Variants in RNF214 observed in about 807,000 individuals in gnomAD.
RNF214 encodes ring finger protein 214.
Under a neutral mutation model 75.9 loss-of-function variants are expected in RNF214, and 25 were observed. The observed-to-expected ratio is 0.33, with a 90% CI of 0.24 to 0.46. The LOEUF (loss-of-function observed/expected upper bound fraction) is 0.46. Among genes scored for constraint, RNF214 ranks in the 20% least tolerant of loss-of-function variants. The pLI is 1.00. For missense variants in RNF214, 725 were observed against 857.5 expected (o/e 0.85, Z 1.93); for synonymous variants, 314 against 308.8 (o/e 1.02, Z -0.18).
intron 6 of RNF214, among the ~76,000 whole-genome samples, chr11:117,251,213 TCCCGG>T (rs2033373323): frequency 8.9e-6 from 1 of 112,014 alleles, no homozygotes; most frequent in Admixed American, 9.2e-5. Flanking sequence ...GCCCCGCACC[TCCCGG>T]ACGGGGCGGC....
chr11:117,280,401 C>A, intron 8 of RNF214, 142 bp downstream of exon 8: 1 of 673,982 alleles, frequency 1.5e-6, no homozygotes, highest in South Asian at 1.8e-5. Flanking sequence ...TCTGCAGTAG[C>A]AATTGCTCAG....
intron 6 of RNF214, among the ~76,000 whole-genome samples, chr11:117,274,338 TG>T (rs2033967673): frequency 7.0e-6 from 1 of 143,876 alleles, no homozygotes; most frequent in African/African-American, 2.6e-5. Flanking sequence ...CCCCTAGTAC[TG>T]GGAAAACAAA....
intron 14 of RNF214, 37 bp downstream of exon 14, chr11:117,283,247 T>C: frequency 7.5e-7 from 1 of 1,325,786 alleles, no homozygotes; most frequent in Non-Finnish European, 1.1e-6. Context: ...TCTACACTTT[T>C]TCTTCTGACA....
intron 6 of RNF214, among the ~76,000 whole-genome samples, chr11:117,252,941 A>C (rs1278973502): frequency 1.3e-5 from 2 of 152,198 alleles, no homozygotes; most frequent in African/African-American, 2.4e-5. Context: ...ATTAAAGATG[A>C]ATTTACTTAA....
rs1009188753 is a variant in RNF214 at position 117,281,402 on chromosome 11, C to T, written c.1234C>T (p.Arg412Cys). 8.1e-6 allele frequency: 13 copies of T among 1,606,466 alleles called. No homozygotes were observed. Among genetic ancestry groups the T allele is most frequent in the South Asian group, 4.4e-5 (4 of 90,886 alleles). Residue 412 changes from arginine to cysteine, a missense_variant and splice_region_variant, in exon 9 of 15, where the codon CGT becomes TGT. Around this residue, in one of 2 missense-constraint regions of RNF214, gnomAD observed 363 missense variants for 513.0 expected, o/e 0.71. Coordinates refer to ENST00000300650, the MANE Select transcript of RNF214 (RefSeq NM_207343.4). The part of the protein sequence containing the change: ...NGVRIMKKNV[R>C]DQFNSHIQLV... Reference sequence around the variant, plus strand: ...AGTTCGGATAATGAAAAAGAATGTTCGTGTAAGTGTATCTATGAGTCATCA... The same window carrying T: ...AGTTCGGATAATGAAAAAGAATGTTTGTGTAAGTGTATCTATGAGTCATCA...
Position 117,244,538 on chromosome 11 carries a change from T to C in RNF214, c.772T>C (p.Leu258=), listed in dbSNP as rs903728758. 3 of 1,612,708 alleles carry C rather than the reference T, an allele frequency of 1.9e-6. No individual in the cohort carries two copies. The highest frequency in any genetic ancestry group is 1.7e-6 in the Non-Finnish European group (2 of 1,179,462). The change falls in exon 5 of 15, where the codon TTA becomes CTA. Residue 258 remains leucine, a synonymous_variant. Transcript: ENST00000300650. ...RQVENQLQVQ[L]KQLQQRREEE... is the part of the protein sequence containing the mutation. ...AGTGGAGAATCAGCTCCAAGTGCAA[T>C]TAAAGCAGCTTCAGCAAAGGAGAGA...
intron 8 of RNF214, 21 bp from the exon 9 acceptor site, chr11:117,281,293 T>C: frequency 1.9e-6 from 3 of 1,576,044 alleles, no homozygotes; most frequent in Non-Finnish European, 2.6e-6. Flanking sequence ...AATCTGTAAA[T>C]TCCTGTTGGT....
rs886519037 is a variant in RNF214, at chr11:117,283,010, TG to T, written c.1951-104del. 2.9e-5 allele frequency: 30 copies of T among 1,023,350 alleles called. No homozygotes were observed. In the African/African-American group the frequency reaches 4.2e-4, roughly 14 times the overall value. 63.4% of individuals were successfully genotyped at this position (1,023,350 alleles called of 1,614,324 possible). ...AGGCAAGAATCTATATTTGGATTTT[TG>T]TTTCTTTTGATATAAATCTTTTTGC... On this transcript the variant is annotated intron_variant, in intron 13 of 14. Transcript: ENST00000300650.
intron 6 of RNF214, among the ~76,000 whole-genome samples, chr11:117,256,395 G>A (rs1328005276): frequency 6.6e-6 from 1 of 152,180 alleles, no homozygotes; most frequent in Non-Finnish European, 1.5e-5. Context: ...TTCTCAGATG[G>A]ATGGTTCTGT....
chr11:117,265,394 TTA>T (rs2033774111), intron 6 of RNF214, among the ~76,000 whole-genome samples: 1 of 152,268 alleles, frequency 6.6e-6, no homozygotes, highest in East Asian at 1.9e-4. Context: ...AAACTTAGAA[TTA>T]TCTCTTAGTT....
At chr11:117,252,144 C>T (rs569647705) in intron 6 of RNF214, among the ~76,000 whole-genome samples, 4 of 152,336 alleles carry the variant, frequency 2.6e-5, no homozygotes, top group African/African-American at 9.6e-5. Flanking sequence ...TCTGGGATTA[C>T]AGGTGTGAGC....
At chr11:117,282,317 C>G in intron 11 of RNF214, 47 bp downstream of exon 11, 1 of 1,582,834 alleles carries the variant, frequency 6.3e-7, no homozygotes, top group Non-Finnish European at 8.6e-7. Flanking sequence ...CAGAGAAATG[C>G]TTATGGGTTA....
rs998667064 is a variant in RNF214, at chr11:117,285,256, A to G, written c.*105A>G. 2.7e-6 allele frequency: 2 copies of G among 752,966 alleles called. No homozygotes were observed. The highest frequency in any genetic ancestry group is 1.8e-5 in the African/African-American group (1 of 57,042). 46.6% of individuals were successfully genotyped at this position (752,966 alleles called of 1,614,324 possible). On this transcript the variant is annotated 3_prime_UTR_variant, in exon 15 of 15. Coordinates refer to ENST00000300650, the MANE Select transcript of RNF214 (RefSeq NM_207343.4). ...TTATACAGTGACATATACTCATGCC[A>G]TGTACATTTTTATTATATAGGTAAT...
chr11:117,255,934 G>C (rs1273730361), intron 6 of RNF214, among the ~76,000 whole-genome samples: 1 of 151,926 alleles, frequency 6.6e-6, no homozygotes, highest in Non-Finnish European at 1.5e-5. Flanking sequence ...TAGTATTTAG[G>C]GTAAAGTTTT....
chr11:117,255,436 T>G (rs555200564), intron 6 of RNF214, among the ~76,000 whole-genome samples: 1 of 152,326 alleles, frequency 6.6e-6, no homozygotes, highest in South Asian at 2.1e-4. Context: ...TGCACTTTAC[T>G]ATGTCTTGTA....
chr11:117,282,848 C>A lies in RNF214; in HGVS notation c.1948C>A (p.His650Asn). Residue 650 changes from histidine (H) to asparagine (N), a missense_variant and splice_region_variant, in exon 13 of 15, where the codon CAT (histidine) becomes AAT (asparagine). Transcript: ENST00000300650. ...AQVSYPGRSS[H>N]APATCKLCLM... ...AGTTTCATATCCTGGAAGGTCTTCA[C>A]ATGTAAGACTCTTTTTCTTTGAACA... The A allele has an allele frequency of 6.2e-7, 1 of 1,605,954 alleles. No individual in the cohort carries two copies. Among genetic ancestry groups the A allele is most frequent in the Admixed American group, 1.7e-5 (1 of 60,008 alleles).
rs1366777400 is a variant in RNF214 at position 117,232,733 on chromosome 11, C to T, written c.-7+7C>T. On this transcript the variant is annotated splice_region_variant and intron_variant, in intron 1 of 14. Coordinates refer to ENST00000300650, the MANE Select transcript of RNF214 (RefSeq NM_207343.4). Reference sequence around the variant, plus strand: ...CCCCGCTCCGCCCGCTCAGGTGCGTCCCGTCCCTCCCCCACTTTCCTCCCG... The same window carrying T: ...CCCCGCTCCGCCCGCTCAGGTGCGTTCCGTCCCTCCCCCACTTTCCTCCCG... The T allele has an allele frequency of 6.6e-6, 1 of 151,110 alleles. No individual in the cohort carries two copies. The highest frequency in any genetic ancestry group is 6.6e-5 in the Admixed American group (1 of 15,226). The allele number at this position is 151,110 out of a possible 1,614,324, so 9.4% of individuals were successfully genotyped here.
At chr11:117,267,666 T>C (rs1164226868) in intron 6 of RNF214, among the ~76,000 whole-genome samples, 2 of 151,852 alleles carry the variant, frequency 1.3e-5, no homozygotes, top group Non-Finnish European at 1.5e-5. Context: ...GAGGTGGAGG[T>C]TGCAGTGAGC....
chr11:117,282,559 G>A (rs761977846), intron 12 of RNF214, 23 bp downstream of exon 12: 9 of 1,612,348 alleles, frequency 5.6e-6, no homozygotes, highest in Non-Finnish European at 1.7e-6. Flanking sequence ...ACTTGGGAGA[G>A]AACTTAGGCA....
Sources: allele counts gnomAD v4.1 joint callset (sites outside exome capture counted in the v4.1 genomes callset), GRCh38; gene constraint gnomAD v4.1.1; regional missense constraint gnomAD v4.1.1; transcripts MANE v1.5; gene names NCBI Gene and HGNC (gene_info 2026-07-23, HGNC 2026-07-21).